Variants in MAGI2 observed in about 807,000 individuals in gnomAD.
MAGI2 encodes membrane-associated guanylate kinase, WW and PDZ domain-containing protein 2.
Under a neutral mutation model 133.3 loss-of-function variants are expected in MAGI2, and 35 were observed. The observed-to-expected ratio is 0.26, with a 90% CI of 0.20 to 0.35. MAGI2 has a LOEUF of 0.35. Among genes scored for constraint, MAGI2 ranks in the 10% least tolerant of loss-of-function variants. MAGI2 has a pLI of 1.00. For missense variants in MAGI2, 1,636 were observed against 1,863.4 expected (o/e 0.88, Z 2.25); for synonymous variants, 729 against 710.6 (o/e 1.03, Z -0.41).
chr7:79,188,989 T>G (rs1827413288), intron 1 of MAGI2, among the ~76,000 whole-genome samples: 1 of 151,870 alleles, frequency 6.6e-6, no homozygotes, highest in Admixed American at 6.6e-5. Flanking sequence ...ATAAATATTT[T>G]ATGTGTATGC....
chr7:78,142,110 G>A (rs1822822625), intron 16 of MAGI2, among the ~76,000 whole-genome samples: 1 of 152,136 alleles, frequency 6.6e-6, no homozygotes, highest in African/African-American at 2.4e-5. Context: ...TGGGCCAGGG[G>A]TCACATGGCT....
chr7:78,818,867 A>G (rs1249613586), intron 2 of MAGI2, among the ~76,000 whole-genome samples: 2 of 152,116 alleles, frequency 1.3e-5, no homozygotes, highest in African/African-American at 2.4e-5. Context: ...TTCATGACAT[A>G]TGAGGGGTAC....
intron 2 of MAGI2, among the ~76,000 whole-genome samples, chr7:78,680,826 G>T (rs575279256): frequency 1.1e-4 from 16 of 152,158 alleles, no homozygotes; most frequent in African/African-American, 3.6e-4. Context: ...TCAGATACTT[G>T]GTTAATAAAT....
intron 15 of MAGI2, among the ~76,000 whole-genome samples, chr7:78,160,582 A>G (rs937764797): frequency 6.6e-6 from 1 of 152,188 alleles, no homozygotes; most frequent in Non-Finnish European, 1.5e-5. Context: ...CTAGTTTTAG[A>G]TATTGAGGTT....
chr7:78,412,231 G>T (rs1403688630), intron 6 of MAGI2, among the ~76,000 whole-genome samples: 1 of 152,064 alleles, frequency 6.6e-6, no homozygotes, highest in African/African-American at 2.4e-5. Flanking sequence ...TTATGAGTTA[G>T]CTTTGGCACT....
intron 1 of MAGI2, among the ~76,000 whole-genome samples, chr7:79,012,901 T>G (rs1808313867): frequency 6.6e-6 from 1 of 152,170 alleles, no homozygotes; most frequent in Non-Finnish European, 1.5e-5. Context: ...TCTCATTATA[T>G]CCACACATGG....
intron 2 of MAGI2, among the ~76,000 whole-genome samples, chr7:78,762,501 A>G (rs941607513): frequency 3.3e-5 from 5 of 152,142 alleles, no homozygotes; most frequent in Non-Finnish European, 7.4e-5. Context: ...AAAAACAACT[A>G]AATAGAAATT....
intron 1 of MAGI2, among the ~76,000 whole-genome samples, chr7:79,111,891 TCTC>T (rs1431412299): frequency 6.6e-6 from 1 of 151,762 alleles, no homozygotes; most frequent in Non-Finnish European, 1.5e-5. Flanking sequence ...ATGGTCTTGA[TCTC>T]CTGACCTCGT....
chr7:79,252,156 C>CAAAAAAAAAA (rs1208897198), intron 1 of MAGI2, among the ~76,000 whole-genome samples: 12 of 102,552 alleles, frequency 1.2e-4, no homozygotes, highest in East Asian at 3.2e-4. Flanking sequence ...GACCCTGTCT[C>CAAAAAAAAAA]AAAAAAAAAA....
intron 2 of MAGI2, among the ~76,000 whole-genome samples, chr7:78,745,617 C>A (rs895962844): frequency 6.6e-6 from 1 of 152,010 alleles, no homozygotes; most frequent in African/African-American, 2.4e-5. Context: ...GTCCTGTACA[C>A]TGAAGAATTA....
intron 2 of MAGI2, among the ~76,000 whole-genome samples, chr7:78,744,157 G>A (rs1378745721): frequency 1.3e-5 from 2 of 151,916 alleles, no homozygotes; most frequent in Non-Finnish European, 2.9e-5. Context: ...ATATTTTCAA[G>A]AGGTCAAAAA....
At chr7:78,507,692 A>T (rs1451045409) in intron 4 of MAGI2, among the ~76,000 whole-genome samples, 1 of 152,212 alleles carries the variant, frequency 6.6e-6, no homozygotes, top group Non-Finnish European at 1.5e-5. Flanking sequence ...CAGTGTAGCA[A>T]TTAGAAACAA....
chr7:78,241,540 CA>C (rs1791138635), intron 10 of MAGI2, among the ~76,000 whole-genome samples: 1 of 152,172 alleles, frequency 6.6e-6, no homozygotes, highest in African/African-American at 2.4e-5. Flanking sequence ...TATTAACTCT[CA>C]GTCTGTTAGG....
intron 1 of MAGI2, among the ~76,000 whole-genome samples, chr7:79,050,147 A>G (rs1464748688): frequency 6.6e-6 from 1 of 152,154 alleles, no homozygotes; most frequent in Non-Finnish European, 1.5e-5. Flanking sequence ...CTAAAGTTTC[A>G]GCTAGAAGTC....
chr7:79,323,123 C>A (rs955068928), intron 1 of MAGI2, among the ~76,000 whole-genome samples: 5 of 152,118 alleles, frequency 3.3e-5, no homozygotes, highest in African/African-American at 9.7e-5. Flanking sequence ...AGCCACTGTG[C>A]CTGGCCCCAG....
chr7:79,324,735 T>TTA lies in MAGI2; in HGVS notation c.301+128283_301+128284dup, dbSNP rs368080439. Among the ~76,000 whole-genome samples, 26 of 16,676 alleles carry TTA rather than the reference T, an allele frequency of 1.6e-3. 3 individuals carry two copies. Among genetic ancestry groups the TTA allele is most frequent in the South Asian group, 2.9e-3 (2 of 700 alleles). The allele number at this position is 16,676 out of a possible 152,430, so 10.9% of individuals were successfully genotyped here. On this transcript the variant is annotated intron_variant, in intron 1 of 21. Transcript: ENST00000354212. Reference sequence around the variant, plus strand: ...TATATGTATATAAAATATATATATATTATATATATATATATATAGTTTTCA... The same window carrying TTA: ...TATATGTATATAAAATATATATATATTATATATATATATATATATAGTTTTCA...
intron 3 of MAGI2, among the ~76,000 whole-genome samples, chr7:78,531,943 CTAA>C (rs1797507777): frequency 6.6e-6 from 1 of 152,090 alleles, no homozygotes; most frequent in South Asian, 2.1e-4. Flanking sequence ...CCCTCAGTTG[CTAA>C]TAAAAGTCAG....
chr7:78,954,517 T>G (rs1802134486), intron 2 of MAGI2, among the ~76,000 whole-genome samples: 1 of 152,132 alleles, frequency 6.6e-6, no homozygotes, highest in Non-Finnish European at 1.5e-5. Flanking sequence ...TACATTAGTC[T>G]TCTGATAAAA....
chr7:79,137,762 C>T (rs1369768051), intron 1 of MAGI2, among the ~76,000 whole-genome samples: 2 of 152,006 alleles, frequency 1.3e-5, no homozygotes, highest in Admixed American at 1.3e-4. Context: ...CATGACCAGC[C>T]CAAATACAGA....
Sources: allele counts gnomAD v4.1 joint callset (sites outside exome capture counted in the v4.1 genomes callset), GRCh38; gene constraint gnomAD v4.1.1; transcripts MANE v1.5; gene names NCBI Gene and HGNC (gene_info 2026-07-23, HGNC 2026-07-21).